Variants in LRBA observed in about 807,000 individuals in gnomAD.
The protein encoded by LRBA is lipopolysaccharide-responsive and beige-like anchor protein.
Under a neutral mutation model 330.0 loss-of-function variants are expected in LRBA, and 176 were observed. The observed-to-expected ratio is 0.53, with a 90% CI of 0.47 to 0.60. The LOEUF is 0.60. LRBA is among the 20% of genes least tolerant of loss of function. The pLI, the probability that LRBA is intolerant of heterozygous loss-of-function variation, is 0.00. For synonymous variants in LRBA, 1,230 were observed against 1,193.0 expected (o/e 1.03, Z -0.64); for missense variants, 3,259 against 3,444.8 (o/e 0.95, Z 1.35).
chr4:150,517,710 G>T (rs1762503239), intron 40 of LRBA, among the ~76,000 whole-genome samples: 1 of 152,126 alleles, frequency 6.6e-6, no homozygotes, highest in Admixed American at 6.6e-5. Flanking sequence ...ATGATAGCAG[G>T]TATGACATTA....
At chr4:150,353,805 AGTT>A (rs1306653323) in intron 47 of LRBA, among the ~76,000 whole-genome samples, 1 of 152,210 alleles carries the variant, frequency 6.6e-6, no homozygotes. Flanking sequence ...CACTTCCAGA[AGTT>A]GATAAACACG....
intron 37 of LRBA, among the ~76,000 whole-genome samples, chr4:150,601,978 A>C (rs1353770962): frequency 6.7e-6 from 1 of 148,994 alleles, no homozygotes; most frequent in Non-Finnish European, 1.5e-5. Context: ...AGTGTGAGCC[A>C]CCGCACCCGG....
At chr4:150,301,864 T>C (rs1284698488) in intron 53 of LRBA, among the ~76,000 whole-genome samples, 1 of 152,224 alleles carries the variant, frequency 6.6e-6, no homozygotes, top group African/African-American at 2.4e-5. Flanking sequence ...AATCTAAAGC[T>C]ATTCTTGCAG....
chr4:150,310,219 T>C lies in LRBA; in HGVS notation c.7849+10A>G, dbSNP rs1813134. The C allele has an allele frequency of 0.65, 1,033,487 of 1,594,122 alleles. 340,421 individuals carry two copies. Among genetic ancestry groups the C allele is most frequent in the Non-Finnish European group, 0.68 (793,023 of 1,164,006 alleles). ...AACTTTAGTTCACTGATAAAGAAAA[T>C]GAAAATTACCTGTGTCTGTAGAATA... On this transcript the variant is annotated intron_variant, in intron 52 of 56. Transcript: ENST00000651943.
intron 2 of LRBA, among the ~76,000 whole-genome samples, chr4:151,010,966 T>C (rs1744764601): frequency 6.6e-6 from 1 of 150,416 alleles, no homozygotes. Context: ...GGCAGGCGGA[T>C]CACGAGGTCA....
At chr4:150,374,769 A>G (rs1483848455) in intron 47 of LRBA, among the ~76,000 whole-genome samples, 2 of 152,216 alleles carry the variant, frequency 1.3e-5, no homozygotes, top group Non-Finnish European at 1.5e-5. Flanking sequence ...CATTTCAGGT[A>G]AGGGATACTC....
chr4:150,643,300 T>A, intron 37 of LRBA, among the ~76,000 whole-genome samples: 1 of 151,618 alleles, frequency 6.6e-6, no homozygotes, highest in Non-Finnish European at 1.5e-5. Context: ...ACAGAAGAAA[T>A]TAGCAATCAA....
intron 17 of LRBA, among the ~76,000 whole-genome samples, chr4:150,890,328 GCCTA>G (rs1204842263): frequency 6.6e-6 from 1 of 152,196 alleles, no homozygotes. Context: ...CTTAGAGTGT[GCCTA>G]CCTAGACTAA....
At chr4:150,559,591 T>A (rs1236455114) in intron 40 of LRBA, among the ~76,000 whole-genome samples, 1 of 117,330 alleles carries the variant, frequency 8.5e-6, no homozygotes, top group East Asian at 2.1e-4. Context: ...TAAATATTTA[T>A]AATATATAAT....
At chr4:150,932,373 A>C (rs1734609593) in intron 2 of LRBA, among the ~76,000 whole-genome samples, 1 of 151,954 alleles carries the variant, frequency 6.6e-6, no homozygotes, top group Non-Finnish European at 1.5e-5. Context: ...TAAAAAAAAA[A>C]AAAAGAAAAT....
At chr4:150,890,728 G>A (rs1174645573) in intron 17 of LRBA, among the ~76,000 whole-genome samples, 1 of 152,162 alleles carries the variant, frequency 6.6e-6, no homozygotes, top group African/African-American at 2.4e-5. Context: ...TGAATGTTAA[G>A]ATGAGTTAGT....
chr4:150,511,773 T>C (rs558949514), intron 40 of LRBA, among the ~76,000 whole-genome samples: 79 of 152,370 alleles, frequency 5.2e-4, no homozygotes, highest in African/African-American at 1.7e-3. Context: ...TTTGAGAGGT[T>C]AGATGACGCA....
chr4:150,840,886 A>T lies in LRBA; in HGVS notation c.4569+3214T>A, dbSNP rs924479065. 3 of 1,014,490 alleles carry T rather than the reference A, an allele frequency of 3.0e-6. No individual in the cohort carries two copies. In the East Asian group the frequency reaches 2.4e-4, roughly 81 times the overall value. The allele number at this position is 1,014,490 out of a possible 1,614,324, so 62.8% of individuals were successfully genotyped here. On this transcript the variant is annotated intron_variant, in intron 28 of 56. Coordinates refer to ENST00000651943, the MANE Select transcript of LRBA (RefSeq NM_001364905.1). Reference sequence around the variant, plus strand: ...GAAACTAATGGTAAAAATGAGACTAATTGTTAATACTTAATGTCAAAAATT... The same window carrying T: ...GAAACTAATGGTAAAAATGAGACTATTTGTTAATACTTAATGTCAAAAATT...
At position 150,852,046 on chromosome 4, in the gene LRBA, T is replaced by C; in HGVS notation, c.3664A>G (p.Thr1222Ala). ...CCATGACAATCATTAATTAATTTGG[T>C]TTCTCTAGTGAGGTTAGTTGCTTTC... ...GKKATNLTRE[T>A]KLINDCHGSV... The change falls in exon 23 of 57, where the codon ACC becomes GCC. Residue 1222 changes from threonine to alanine, a missense_variant. Physicochemically the swap from Thr to Ala is moderately conservative, Grantham distance 58. Transcript: ENST00000651943. 6.2e-7 allele frequency: 1 copy of C among 1,614,122 alleles called. No homozygotes were observed. Among genetic ancestry groups the C allele is most frequent in the Admixed American group, 1.7e-5 (1 of 60,026 alleles).
At chr4:150,705,544 A>G (rs1320148835) in intron 36 of LRBA, among the ~76,000 whole-genome samples, 1 of 152,086 alleles carries the variant, frequency 6.6e-6, no homozygotes, top group Non-Finnish European at 1.5e-5. Context: ...ATTGCATAGA[A>G]AGTTAAAACA....
intron 40 of LRBA, among the ~76,000 whole-genome samples, chr4:150,518,714 A>G (rs1283134463): frequency 6.6e-6 from 1 of 152,196 alleles, no homozygotes; most frequent in Non-Finnish European, 1.5e-5. Context: ...CAGGTGACTG[A>G]TAGAATGATT....
chr4:150,629,373 T>A (rs1034654555), intron 37 of LRBA, among the ~76,000 whole-genome samples: 1 of 152,204 alleles, frequency 6.6e-6, no homozygotes, highest in African/African-American at 2.4e-5. Flanking sequence ...GAACAGTGGC[T>A]CATGCCTGTA....
intron 2 of LRBA, among the ~76,000 whole-genome samples, chr4:150,930,923 C>T (rs972385707): frequency 2.6e-5 from 4 of 152,178 alleles, no homozygotes; most frequent in Non-Finnish European, 5.9e-5. Flanking sequence ...AAAAAGTATA[C>T]GTGCTTGGTT....
intron 47 of LRBA, among the ~76,000 whole-genome samples, chr4:150,413,616 G>A (rs112114787): frequency 1.1e-4 from 17 of 152,220 alleles, no homozygotes; most frequent in Non-Finnish European, 1.6e-4. Context: ...GCCTGGAGCC[G>A]GCAGTGGAAG....
Sources: allele counts gnomAD v4.1 joint callset (sites outside exome capture counted in the v4.1 genomes callset), GRCh38; gene constraint gnomAD v4.1.1; transcripts MANE v1.5; gene names NCBI Gene and HGNC (gene_info 2026-07-23, HGNC 2026-07-21).